Variants in SDF4 observed in about 807,000 individuals in gnomAD.
The protein encoded by SDF4 is stromal cell derived factor 4.
Under a neutral mutation model 34.2 loss-of-function variants are expected in SDF4, and 22 were observed. The observed-to-expected ratio is 0.64, with a 90% CI of 0.46 to 0.92. The LOEUF (loss-of-function observed/expected upper bound fraction) is 0.92, where lower values mean the gene tolerates loss of function less well. SDF4 is among the 40% of genes least tolerant of loss of function. The pLI is 0.00. For synonymous variants in SDF4, 236 were observed against 203.1 expected (o/e 1.16, Z -1.38); for missense variants, 447 against 499.9 (o/e 0.89, Z 1.01).
chr1:1,222,579 C>T (rs76502131), intron 4 of SDF4, among the ~76,000 whole-genome samples: 17,416 of 152,292 alleles, frequency 0.11, 1,126 homozygotes, highest in East Asian at 0.17. Flanking sequence ...CAGGCACAGG[C>T]TGTGCCCTCT....
At chr1:1,222,494 C>T (rs528600943) in intron 4 of SDF4, among the ~76,000 whole-genome samples, 2 of 152,334 alleles carry the variant, frequency 1.3e-5, no homozygotes, top group South Asian at 2.1e-4. Context: ...CTCCCTGGGA[C>T]CTGACCGCTC....
rs1313574458 is a variant in SDF4, at chr1:1,216,979, T to C, written c.*533A>G. On this transcript the variant is annotated 3_prime_UTR_variant, in exon 7 of 7. Transcript: ENST00000360001. ...ATTCTTGTCACAACAAATATTTGCA[T>C]TTTCTCAGCGGCAGCTGCGGGACCT... 1 of 152,220 alleles carries C rather than the reference T, an allele frequency of 6.6e-6. No homozygotes were observed. The highest frequency in any genetic ancestry group is 1.5e-5 in the Non-Finnish European group (1 of 68,044). 9.4% of individuals were successfully genotyped at this position (152,220 alleles called of 1,614,324 possible).
intron 4 of SDF4, chr1:1,220,864 G>T: frequency 1.2e-6 from 1 of 842,158 alleles, no homozygotes; most frequent in Non-Finnish European, 1.7e-6. Context: ...GAAGCTTAAA[G>T]ACGCAGTCAG....
intron 1 of SDF4, among the ~76,000 whole-genome samples, chr1:1,229,958 C>A (rs550792139): frequency 9.3e-4 from 141 of 152,384 alleles, no homozygotes; most frequent in African/African-American, 3.3e-3. Context: ...CTTGCCCACA[C>A]TCGCGAGCGA....
chr1:1,223,785 T>TTCCCCCCCCCCCCCCCCC, intron 3 of SDF4, 47 bp downstream of exon 3: 1 of 552,546 alleles, frequency 1.8e-6, no homozygotes, highest in Non-Finnish European at 3.2e-6. Context: ...CCCATGGCCC[T>TTCCCCCCCCCCCCCCCCC]GCCCGCCCCG....
intron 1 of SDF4, among the ~76,000 whole-genome samples, chr1:1,229,369 G>GC (rs113272753): frequency 0.2 from 30,889 of 151,976 alleles, 3,732 homozygotes; most frequent in African/African-American, 0.34. Flanking sequence ...CCCACGCCCA[G>GC]TAATTTATTT....
In SDF4 at chr1:1,231,961, G is replaced by A. The variant is rs1237416176; in HGVS notation, c.-244C>T. 1 of 152,332 alleles carries A rather than the reference G, an allele frequency of 6.6e-6. No individual in the cohort carries two copies. Among genetic ancestry groups the A allele is most frequent in the East Asian group, 1.9e-4 (1 of 5,184 alleles). The allele number at this position is 152,332 out of a possible 1,614,324, so 9.4% of individuals were successfully genotyped here. On this transcript the variant is annotated 5_prime_UTR_variant, in exon 1 of 7. Transcript: ENST00000360001. ...GTCAGTGACGCCGCCAACGGGCCCGGATCAGGCCACTGCCATCTTTCTTGC... is the reference window on the plus strand; with the variant it reads ...GTCAGTGACGCCGCCAACGGGCCCGAATCAGGCCACTGCCATCTTTCTTGC...
At chr1:1,220,210 T>C in intron 4 of SDF4, 1 of 993,910 alleles carries the variant, frequency 1.0e-6, no homozygotes, top group Non-Finnish European at 1.2e-6. Flanking sequence ...GCCTCTGCTG[T>C]TAGGGAAGGA....
intron 1 of SDF4, among the ~76,000 whole-genome samples, chr1:1,230,436 A>C (rs971181852): frequency 6.6e-6 from 1 of 151,526 alleles, no homozygotes; most frequent in Non-Finnish European, 1.5e-5. Context: ...CAAGGAAGGA[A>C]ACCCTGGGTG....
chr1:1,223,709 G>A (rs1017036697), intron 3 of SDF4, 123 bp downstream of exon 3: 23 of 959,152 alleles, frequency 2.4e-5, no homozygotes, highest in East Asian at 7.9e-5. Context: ...CGGGGTCTCC[G>A]GCTGACACTT....
Position 1,220,849 on chromosome 1 carries a change from G to A in SDF4, c.557-1922C>T, listed in dbSNP as rs1263711096. ...CACATCGCCAACAGGCCGGACCAAC[G>A]GGATGAAGCTTAAAGACGCAGTCAG... is the stretch of plus-strand genomic sequence containing the variant. On this transcript the variant is annotated intron_variant, in intron 4 of 6. Transcript: ENST00000360001. The A allele has an allele frequency of 9.2e-5, 89 of 964,050 alleles. No individual in the cohort carries two copies. The Admixed American group carries it at 9.6e-4, about 10-fold the overall frequency. The allele number at this position is 964,050 out of a possible 1,614,324, so 59.7% of individuals were successfully genotyped here. A position where few individuals can be genotyped will look rare whatever the true frequency, so the allele number is the denominator to read the frequency against.
intron 4 of SDF4, chr1:1,220,518 AC>A (rs1325409432): frequency 8.3e-7 from 1 of 1,207,938 alleles, no homozygotes; most frequent in African/African-American, 1.6e-5. Flanking sequence ...TGAGCCAGAA[AC>A]CAAATACCCA....
Position 1,227,482 on chromosome 1 carries a change from C to T in SDF4, c.305+986G>A, listed in dbSNP as rs932605909. On this transcript the variant is annotated intron_variant, in intron 2 of 6. Coordinates refer to ENST00000360001, the MANE Select transcript of SDF4 (RefSeq NM_016176.6). ...GCCAGGCCCTGCGGGAAGGTGAGCT[C>T]GTGGCCAGGCCCTGCGGCGGGGGCT... Among the ~76,000 whole-genome samples the T allele has an allele frequency of 4.1e-4, 63 of 152,018 alleles. 3 individuals are homozygous for T. The highest frequency in any genetic ancestry group is 1.4e-3 in the African/African-American group (58 of 41,460).
chr1:1,230,411 A>G (rs1451654020), intron 1 of SDF4, among the ~76,000 whole-genome samples: 1 of 151,892 alleles, frequency 6.6e-6, no homozygotes, highest in South Asian at 2.1e-4. Context: ...AGAGGGGTAC[A>G]AGCCTGAGTT....
At position 1,218,160 on chromosome 1, in the gene SDF4, C is replaced by T. The variant is rs896685489; in HGVS notation, c.891+298G>A. Among the ~76,000 whole-genome samples, 12 of 152,234 alleles carry T rather than the reference C, an allele frequency of 7.9e-5. No homozygotes were observed. The highest frequency in any genetic ancestry group is 4.4e-5 in the Non-Finnish European group (3 of 68,040). ...GGACCTGCCTCCATGCTGGGCCCAG[C>T]ATGAGCTTCCCCTTGTGGTCCCGTT... is the stretch of plus-strand genomic sequence containing the variant. On this transcript the variant is annotated intron_variant, in intron 6 of 6. Transcript: ENST00000360001. This position sits in a 1 kb window ranked among gnomAD's most constrained non-coding sequence, Gnocchi z 7.9.
intron 2 of SDF4, among the ~76,000 whole-genome samples, chr1:1,226,286 C>A (rs994795102): frequency 6.6e-6 from 1 of 152,110 alleles, no homozygotes; most frequent in African/African-American, 2.4e-5. Flanking sequence ...CTCAAAAGCC[C>A]CTAGGACAGG....
chr1:1,226,037 G>A (rs1351335454), intron 2 of SDF4, among the ~76,000 whole-genome samples: 1 of 152,242 alleles, frequency 6.6e-6, no homozygotes, highest in Admixed American at 6.5e-5. Context: ...ATGTGACTGG[G>A]CTGGTGCACA....
chr1:1,221,003 C>T, intron 4 of SDF4: 1 of 349,136 alleles, frequency 2.9e-6, no homozygotes, highest in Non-Finnish European at 5.7e-6. Flanking sequence ...GCCTGTAATC[C>T]CGGCATGCTG....
intron 4 of SDF4, 193 bp downstream of exon 4, chr1:1,223,049 TAC>T (rs759623604): frequency 5.7e-5 from 33 of 582,684 alleles, no homozygotes; most frequent in Middle Eastern, 4.5e-4. Context: ...ACAGCACACG[TAC>T]ACACAACATG....
Sources: allele counts gnomAD v4.1 joint callset (sites outside exome capture counted in the v4.1 genomes callset), GRCh38; gene constraint gnomAD v4.1.1; non-coding constraint Gnocchi (gnomAD v3.1); transcripts MANE v1.5; gene names NCBI Gene and HGNC (gene_info 2026-07-23, HGNC 2026-07-21).